Variants in COL23A1 observed in about 807,000 individuals in gnomAD.
The protein encoded by COL23A1 is collagen alpha-1(XXIII) chain.
COL23A1 carries 97 observed loss-of-function variants against 99.3 expected under a neutral mutation model. The ratio of observed to expected loss-of-function variants is 0.98; its 90% confidence interval spans 0.83 to 1.16. The LOEUF is 1.16. Ranked by LOEUF, COL23A1 falls within the 50% of genes most tolerant of loss-of-function variation. The pLI, the probability that COL23A1 is intolerant of heterozygous loss-of-function variation, is 0.00. For missense variants in COL23A1, 762 were observed against 757.4 expected (o/e 1.01, Z -0.07); for synonymous variants, 320 against 308.2 (o/e 1.04, Z -0.40).
chr5:178,563,462 C>G (rs1380172644), intron 1 of COL23A1, among the ~76,000 whole-genome samples: 1 of 151,792 alleles, frequency 6.6e-6, no homozygotes, highest in Non-Finnish European at 1.5e-5. Flanking sequence ...ACTGGCCACA[C>G]CTGTCCCAGT....
At chr5:178,290,471 C>T in intron 3 of COL23A1, 102 bp from the exon 4 acceptor site, 1 of 1,450,532 alleles carries the variant, frequency 6.9e-7, no homozygotes, top group Non-Finnish European at 9.6e-7. Context: ...CGGCTCCTGG[C>T]CACCTCTCCC....
chr5:178,583,893 TCA>T (rs1287195685), intron 1 of COL23A1, among the ~76,000 whole-genome samples: 5 of 152,224 alleles, frequency 3.3e-5, no homozygotes, highest in African/African-American at 1.2e-4. Flanking sequence ...TGAAACAGCC[TCA>T]GTCTGTCACC....
At chr5:178,443,751 C>G (rs1381466512) in intron 2 of COL23A1, among the ~76,000 whole-genome samples, 1 of 152,082 alleles carries the variant, frequency 6.6e-6, no homozygotes, top group Non-Finnish European at 1.5e-5. Context: ...AGCCACCGAG[C>G]CCGGCCTTAT....
intron 2 of COL23A1, among the ~76,000 whole-genome samples, chr5:178,386,409 A>C (rs1763676003): frequency 6.6e-6 from 1 of 151,622 alleles, no homozygotes; most frequent in South Asian, 2.1e-4. Context: ...GCTGCACTCC[A>C]GCTTGGCAGA....
At chr5:178,291,555 G>C (rs1215313133) in intron 3 of COL23A1, among the ~76,000 whole-genome samples, 1 of 152,210 alleles carries the variant, frequency 6.6e-6, no homozygotes, top group Non-Finnish European at 1.5e-5. Flanking sequence ...GGCTGCTGCA[G>C]CAGCGGGAGG....
At chr5:178,367,187 C>T (rs1049154815) in intron 2 of COL23A1, among the ~76,000 whole-genome samples, 7 of 152,186 alleles carry the variant, frequency 4.6e-5, no homozygotes, top group Non-Finnish European at 1.0e-4. Flanking sequence ...GCTTGATCTG[C>T]TTGGAAACCA....
intron 2 of COL23A1, among the ~76,000 whole-genome samples, chr5:178,445,569 T>TA (rs1230934215): frequency 6.6e-6 from 1 of 152,200 alleles, no homozygotes; most frequent in Non-Finnish European, 1.5e-5. Context: ...AGTTGACATC[T>TA]AAAGTAGCCA....
At position 178,428,343 on chromosome 5, in the gene COL23A1, A is replaced by G. The variant is rs1000892574; in HGVS notation, c.362-121424T>C. 1.3e-5 allele frequency among the ~76,000 whole-genome samples: 2 copies of G among 152,226 alleles called. No individual in the cohort carries two copies. The highest frequency in any genetic ancestry group is 2.9e-5 in the Non-Finnish European group (2 of 68,030). ...GCTGGCCATCCCCTCTAGAACCTGC[A>G]GGACCATGGAGCCAGCTCTTTGCAC... is the stretch of plus-strand genomic sequence containing the variant. On this transcript the variant is annotated intron_variant, in intron 2 of 28. Coordinates refer to ENST00000390654, the MANE Select transcript of COL23A1 (RefSeq NM_173465.4). The surrounding 1 kb of genome is among the most constrained non-coding windows in gnomAD (Gnocchi z 5.0).
At chr5:178,524,883 A>C (rs1760224597) in intron 2 of COL23A1, among the ~76,000 whole-genome samples, 2 of 152,214 alleles carry the variant, frequency 1.3e-5, no homozygotes. Flanking sequence ...TTCATTCAAC[A>C]GCTGTCTGGG....
intron 2 of COL23A1, among the ~76,000 whole-genome samples, chr5:178,331,205 C>T (rs372578224): frequency 7.2e-5 from 11 of 152,214 alleles, no homozygotes; most frequent in African/African-American, 2.2e-4. Flanking sequence ...CTGGCTTGGG[C>T]GGCTTGTGGG....
chr5:178,414,475 A>AT (rs949781476), intron 2 of COL23A1, among the ~76,000 whole-genome samples: 1 of 136,264 alleles, frequency 7.3e-6, no homozygotes, highest in African/African-American at 2.6e-5. Flanking sequence ...GTAAATGTGT[A>AT]AAAAAAGGCA....
At chr5:178,489,256 G>A (rs577959553) in intron 2 of COL23A1, among the ~76,000 whole-genome samples, 4 of 152,326 alleles carry the variant, frequency 2.6e-5, no homozygotes, top group African/African-American at 9.6e-5. Flanking sequence ...CCCTTCTGGA[G>A]GGAGACACTT....
chr5:178,429,796 G>A (rs142777257), intron 2 of COL23A1, among the ~76,000 whole-genome samples: 182 of 152,240 alleles, frequency 1.2e-3, no homozygotes, highest in African/African-American at 3.9e-3. Flanking sequence ...ACTGGCTACC[G>A]TCCAAGTGTC....
At chr5:178,264,999 C>T (rs879495963) in intron 8 of COL23A1, among the ~76,000 whole-genome samples, 3 of 152,114 alleles carry the variant, frequency 2.0e-5, no homozygotes, top group Non-Finnish European at 4.4e-5. Context: ...CTGTTATTGT[C>T]CCATTTTACA....
chr5:178,422,607 C>T (rs559468933), intron 2 of COL23A1, among the ~76,000 whole-genome samples: 3 of 152,168 alleles, frequency 2.0e-5, no homozygotes, highest in East Asian at 3.9e-4. Flanking sequence ...CTGGGAGGGA[C>T]GGGACCTGTC....
At chr5:178,273,119 A>C (rs1376708554) in intron 5 of COL23A1, among the ~76,000 whole-genome samples, 1 of 152,118 alleles carries the variant, frequency 6.6e-6, no homozygotes, top group African/African-American at 2.4e-5. Flanking sequence ...CCTCTGTTAA[A>C]TCCTCCCTGC....
chr5:178,499,720 A>C (rs1009618676), intron 2 of COL23A1, among the ~76,000 whole-genome samples: 8 of 152,242 alleles, frequency 5.3e-5, no homozygotes, highest in African/African-American at 1.9e-4. Context: ...AAGGAAATGA[A>C]AGCATGTGTT....
At chr5:178,552,669 G>A (rs1409152233) in intron 2 of COL23A1, among the ~76,000 whole-genome samples, 6 of 149,676 alleles carry the variant, frequency 4.0e-5, no homozygotes, top group African/African-American at 7.4e-5. Flanking sequence ...AGACCTGCCT[G>A]GGCAAAAAAG....
chr5:178,415,441 C>T lies in COL23A1; in HGVS notation c.362-108522G>A, dbSNP rs999526700. On this transcript the variant is annotated intron_variant, in intron 2 of 28. Coordinates refer to ENST00000390654, the MANE Select transcript of COL23A1 (RefSeq NM_173465.4). The surrounding 1 kb of genome is among the most constrained non-coding windows in gnomAD (Gnocchi z 4.6). The stretch of plus-strand genomic sequence containing the variant: ...GCTGTGGCCTCTTTCTCCCCGGGCC[C>T]GGGCCCTGGAGCACGGCTCACCCTG... Among the ~76,000 whole-genome samples, 77 of 152,098 alleles carry T rather than the reference C, an allele frequency of 5.1e-4. 1 individual carries two copies. The highest frequency in any genetic ancestry group is 1.5e-4 in the Non-Finnish European group (10 of 68,018).
Sources: gnomAD v4.1 joint callset for allele counts (sites outside exome capture counted in the v4.1 genomes callset) on GRCh38, gnomAD v4.1.1 for gene constraint, Gnocchi (gnomAD v3.1) non-coding constraint, MANE v1.5 for transcripts, NCBI Gene and HGNC (gene_info 2026-07-23, HGNC 2026-07-21) for gene names.